KCNIP4: variants seen among roughly 807,000 people sequenced by gnomAD.
KCNIP4 encodes Kv channel-interacting protein 4.
Under a neutral mutation model 34.0 loss-of-function variants are expected in KCNIP4, and 12 were observed. The ratio of observed to expected loss-of-function variants is 0.35; its 90% CI spans 0.23 to 0.57. KCNIP4 has a LOEUF of 0.57. Among genes scored for constraint, KCNIP4 ranks in the 20% least tolerant of loss-of-function variants. The pLI, the probability that KCNIP4 is intolerant of heterozygous loss-of-function variation, is 0.83. For synonymous variants in KCNIP4, 124 were observed against 102.2 expected (o/e 1.21, Z -1.29); for missense variants, 238 against 311.7 (o/e 0.76, Z 1.78).
intron 1 of KCNIP4, among the ~76,000 whole-genome samples, chr4:21,695,762 CAG>C (rs964209112): frequency 3.9e-5 from 6 of 152,124 alleles, no homozygotes; most frequent in African/African-American, 1.4e-4. Context: ...ATTGCCCTAT[CAG>C]AGAGGAAAGG....
At chr4:21,907,942 C>T (rs185164639) in intron 1 of KCNIP4, among the ~76,000 whole-genome samples, 94 of 152,092 alleles carry the variant, frequency 6.2e-4, no homozygotes, top group Non-Finnish European at 9.1e-4. Flanking sequence ...GTTGAAGAAT[C>T]GGCAAAAACA....
At chr4:21,870,298 C>T (rs1578093773) in intron 1 of KCNIP4, among the ~76,000 whole-genome samples, 1 of 152,128 alleles carries the variant, frequency 6.6e-6, no homozygotes, top group Admixed American at 6.5e-5. Context: ...GTACCTCCCC[C>T]AATCTCCAGC....
intron 1 of KCNIP4, among the ~76,000 whole-genome samples, chr4:21,114,050 G>A (rs569428171): frequency 1.3e-4 from 20 of 152,274 alleles, no homozygotes; most frequent in Admixed American, 5.9e-4. Context: ...AGACCTATCC[G>A]TAGCCTGTTT....
At chr4:21,097,531 T>C (rs1008501685) in intron 1 of KCNIP4, among the ~76,000 whole-genome samples, 26 of 152,100 alleles carry the variant, frequency 1.7e-4, no homozygotes, top group Non-Finnish European at 3.4e-4. Context: ...TTGGTAATTA[T>C]TACAATATTT....
At chr4:20,763,234 C>G (rs1755089830) in intron 3 of KCNIP4, among the ~76,000 whole-genome samples, 1 of 152,156 alleles carries the variant, frequency 6.6e-6, no homozygotes, top group African/African-American at 2.4e-5. Context: ...CATTTTGTCT[C>G]TCAAAAAGTT....
At chr4:20,872,507 G>C (rs1176522174) in intron 2 of KCNIP4, among the ~76,000 whole-genome samples, 1 of 152,060 alleles carries the variant, frequency 6.6e-6, no homozygotes. Flanking sequence ...TTATAGACCT[G>C]GTGGAGTAGA....
intron 1 of KCNIP4, among the ~76,000 whole-genome samples, chr4:21,916,326 T>A (rs1037483659): frequency 6.6e-6 from 1 of 152,224 alleles, no homozygotes; most frequent in South Asian, 2.1e-4. Flanking sequence ...ATGCCTTTTT[T>A]TCCAGTTACT....
At chr4:21,278,471 T>C (rs2109157739) in intron 1 of KCNIP4, among the ~76,000 whole-genome samples, 1 of 152,270 alleles carries the variant, frequency 6.6e-6, no homozygotes, top group Middle Eastern at 3.4e-3. Context: ...TGAATTAGTA[T>C]GCTAAGGATA....
intron 1 of KCNIP4, among the ~76,000 whole-genome samples, chr4:21,231,839 C>A (rs570034641): frequency 2.0e-5 from 3 of 152,032 alleles, no homozygotes; most frequent in Non-Finnish European, 2.9e-5. Context: ...TTTGTGGAAG[C>A]TTTGGTCTAT....
chr4:21,871,370 T>C (rs1725801425), intron 1 of KCNIP4, among the ~76,000 whole-genome samples: 1 of 150,120 alleles, frequency 6.7e-6, no homozygotes, highest in Non-Finnish European at 1.5e-5. Context: ...CTATTCACAA[T>C]AGCAAAGACT....
At chr4:21,798,416 T>C (rs562319113) in intron 1 of KCNIP4, among the ~76,000 whole-genome samples, 1 of 142,560 alleles carries the variant, frequency 7.0e-6, no homozygotes, top group East Asian at 2.0e-4. Flanking sequence ...TATATATATA[T>C]ATATATATAT....
At chr4:21,497,552 C>T (rs758495710) in intron 1 of KCNIP4, among the ~76,000 whole-genome samples, 6 of 152,062 alleles carry the variant, frequency 3.9e-5, no homozygotes, top group Non-Finnish European at 8.8e-5. Flanking sequence ...GTTTTTAAAC[C>T]TGTATTTTCA....
At chr4:21,697,392 C>T in intron 1 of KCNIP4, 1 of 1,545,800 alleles carries the variant, frequency 6.5e-7, no homozygotes, top group Non-Finnish European at 8.6e-7. Flanking sequence ...AGGTACTGGG[C>T]AAATTTCAGT....
intron 1 of KCNIP4, among the ~76,000 whole-genome samples, chr4:21,363,701 T>C (rs534194949): frequency 6.6e-6 from 1 of 152,260 alleles, no homozygotes; most frequent in African/African-American, 2.4e-5. Flanking sequence ...TCACTATCAG[T>C]GTGAAACAAC....
chr4:21,455,440 G>C (rs1728843646), intron 1 of KCNIP4, among the ~76,000 whole-genome samples: 1 of 151,874 alleles, frequency 6.6e-6, no homozygotes, highest in South Asian at 2.1e-4. Flanking sequence ...TGCTTCACTA[G>C]GTCACAGCAG....
intron 1 of KCNIP4, among the ~76,000 whole-genome samples, chr4:21,530,190 T>A (rs967893411): frequency 5.3e-5 from 8 of 152,132 alleles, no homozygotes; most frequent in Admixed American, 5.2e-4. Flanking sequence ...TCAATGAATA[T>A]TCCGGATCAA....
chr4:21,291,084 G>A (rs1242374909), intron 1 of KCNIP4, among the ~76,000 whole-genome samples: 1 of 151,360 alleles, frequency 6.6e-6, no homozygotes, highest in Non-Finnish European at 1.5e-5. Context: ...GGCACAGCAT[G>A]TTCCATTTCA....
intron 5 of KCNIP4, among the ~76,000 whole-genome samples, chr4:20,740,419 A>G (rs1002868153): frequency 3.3e-5 from 5 of 152,200 alleles, no homozygotes; most frequent in Admixed American, 6.5e-5. Flanking sequence ...AGTGGGGGCC[A>G]ATATTCAACA....
intron 1 of KCNIP4, among the ~76,000 whole-genome samples, chr4:21,860,927 T>C (rs1443367155): frequency 2.0e-5 from 3 of 152,158 alleles, no homozygotes; most frequent in Non-Finnish European, 4.4e-5. Flanking sequence ...CCCCCAAAAC[T>C]GCCTGTTCCT....
Sources: allele counts gnomAD v4.1 joint callset (sites outside exome capture counted in the v4.1 genomes callset), GRCh38; gene constraint gnomAD v4.1.1; transcripts MANE v1.5; gene names NCBI Gene and HGNC (gene_info 2026-07-23, HGNC 2026-07-21).